The following TMOD4 variants were observed in gnomAD, a reference collection of about 807,000 sequenced individuals.
TMOD4 encodes the protein tropomodulin 4, also known as tropomodulin-4.
A neutral mutation model predicts 45.4 loss-of-function variants in TMOD4; 34 were observed. The observed-to-expected ratio is 0.75, with a 90% CI of 0.57 to 1.00. TMOD4 has a LOEUF of 1.00. Ranked by LOEUF, TMOD4 falls within the 50% of genes least tolerant of loss-of-function variation. TMOD4 has a pLI of 0.00. For missense variants in TMOD4, 399 were observed against 437.5 expected, an observed-to-expected ratio of 0.91 and a Z score of 0.78; for synonymous variants, 131 against 153.9, an observed-to-expected ratio of 0.85 and a Z score of 1.10.
intron 9 of TMOD4, 185 bp downstream of exon 9, chr1:151,170,334 G>T: frequency 3.3e-6 from 3 of 906,962 alleles, no homozygotes; most frequent in Non-Finnish European, 5.1e-6. Flanking sequence ...CCTCTCTACT[G>T]GTCCATATTT....
intron 4 of TMOD4, among the ~76,000 whole-genome samples, chr1:151,173,067 C>T (rs1048017093): frequency 6.6e-6 from 1 of 152,060 alleles, no homozygotes; most frequent in Admixed American, 6.6e-5. Context: ...GTGATCCACC[C>T]GCCTCGGCCT....
In TMOD4 at chr1:151,174,753, C is replaced by T. The variant is rs1311341808; in HGVS notation, c.123G>A (p.Glu41=). ...LDCELQEMDP[E]NMLLPAGLRQ... ...TGGTTCCCTGTGCTGGAGCCCCTAC[C>T]TCAGGATCCATCTCCTGTAGTTCGC... The change falls in exon 2 of 10, where the codon GAG becomes GAA. Residue 41 remains glutamate, a splice_region_variant and synonymous_variant. Coordinates refer to ENST00000295314, the MANE Select transcript of TMOD4 (RefSeq NM_013353.3). The T allele has an allele frequency of 1.9e-6, 3 of 1,613,684 alleles. No individual in the cohort carries two copies. Among genetic ancestry groups the T allele is most frequent in the South Asian group, 1.1e-5 (1 of 91,064 alleles).
At chr1:151,173,968 C>G (rs1431382764) in intron 3 of TMOD4, among the ~76,000 whole-genome samples, 1 of 151,874 alleles carries the variant, frequency 6.6e-6, no homozygotes, top group African/African-American at 2.4e-5. Context: ...GTAATCCCAG[C>G]ACTTTGGGAG....
Position 151,174,733 on chromosome 1 carries a change from C to T in TMOD4, c.123+20G>A, listed in dbSNP as rs1684052413. 1 of 1,613,176 alleles carries T rather than the reference C, an allele frequency of 6.2e-7. No individual in the cohort carries two copies. The highest frequency in any genetic ancestry group is 8.5e-7 in the Non-Finnish European group (1 of 1,179,974). ...CAAATGCCTGGGACTGCCTCTGGTTCCCTGTGCTGGAGCCCCTACCTCAGG... is the reference window on the plus strand; with the variant it reads ...CAAATGCCTGGGACTGCCTCTGGTTTCCTGTGCTGGAGCCCCTACCTCAGG... On this transcript the variant is annotated intron_variant, in intron 2 of 9. Coordinates refer to ENST00000295314, the MANE Select transcript of TMOD4 (RefSeq NM_013353.3).
rs973759284 is a variant in TMOD4, at chr1:151,172,313, C to A, written c.442G>T (p.Asp148Tyr). 2.5e-6 allele frequency: 4 copies of A among 1,613,802 alleles called. No individual in the cohort carries two copies. The highest frequency in any genetic ancestry group is 1.3e-5 in the African/African-American group (1 of 74,916). The change falls in exon 5 of 10, where the codon GAT (aspartate) becomes TAT (tyrosine). Residue 148 changes from aspartate (D) to tyrosine (Y), a missense_variant. By Grantham distance (160) the Asp-to-Tyr change is radical. Transcript: ENST00000295314. ...CAGATTTCTCCACTGCAGAGGGCAT[C>A]ATAGTATTGCTTGTTACTCATCAGT... ...YTLMSNKQYY[D>Y]ALCSGEICNT...
intron 5 of TMOD4, 42 bp from the exon 6 acceptor site, chr1:151,171,805 A>G (rs2101712104): frequency 6.9e-6 from 11 of 1,585,598 alleles, no homozygotes; most frequent in Middle Eastern, 3.5e-4. Flanking sequence ...CATGTTCCCC[A>G]TAATCTCCTC....
intron 5 of TMOD4, 78 bp downstream of exon 5, chr1:151,172,190 C>T: frequency 1.7e-6 from 2 of 1,186,922 alleles, no homozygotes; most frequent in South Asian, 1.3e-5. Context: ...TCATCAATTT[C>T]ACCCTTTTCT....
At chr1:151,174,325 G>T in intron 3 of TMOD4, 66 bp downstream of exon 3, 1 of 1,552,326 alleles carries the variant, frequency 6.4e-7, no homozygotes, top group Non-Finnish European at 8.8e-7. Flanking sequence ...AAACTGGAGT[G>T]GGGACGAGTG....
In TMOD4 at chr1:151,171,062, GC is replaced by G; in HGVS notation, c.727del (p.Ala243GlnfsTer15). 6.2e-7 allele frequency: 1 copy of G among 1,614,082 alleles called. No homozygotes were observed. Among genetic ancestry groups the G allele is most frequent in the Non-Finnish European group, 8.5e-7 (1 of 1,180,006 alleles). On this transcript the variant is annotated frameshift_variant and splice_region_variant, in exon 8 of 10. Transcript: ENST00000295314. LOFTEE classifies it high-confidence loss of function. ...ATRSGDPIAN[A>X]VADMLRENRS... is the part of the protein sequence containing the mutation. ...ATTCTCACGCAACATGTCAGCCACT[GC>G]CTGGGTAGTAGGGACTTGGGTTAGG...
At chr1:151,170,267 C>T (rs1683904659) in intron 9 of TMOD4, 164 bp from the exon 10 acceptor site, 2 of 888,986 alleles carry the variant, frequency 2.2e-6, no homozygotes, top group Non-Finnish European at 3.5e-6. Context: ...GAAACCACAC[C>T]ACAAATAAAA....
In TMOD4 at chr1:151,172,284, G is replaced by A. The variant is rs752347286; in HGVS notation, c.471C>T (p.Asn157=). 4 of 1,613,546 alleles carry A rather than the reference G, an allele frequency of 2.5e-6. No homozygotes were observed. Among genetic ancestry groups the A allele is most frequent in the South Asian group, 2.2e-5 (2 of 91,076 alleles). The change falls in exon 5 of 10, where the codon AAC becomes AAT. Residue 157 remains asparagine, a synonymous_variant. Coordinates refer to ENST00000295314, the MANE Select transcript of TMOD4 (RefSeq NM_013353.3). ...CACACTCACTGCTAATGCCTTCAGT[G>A]TTGCAGATTTCTCCACTGCAGAGGG... is the stretch of plus-strand genomic sequence containing the variant. The part of the protein sequence containing the change: ...YDALCSGEIC[N]TEGISSVVQP...
At chr1:151,174,364 G>A (rs374758074) in intron 3 of TMOD4, 27 bp downstream of exon 3, 349 of 1,607,648 alleles carry the variant, frequency 2.2e-4, no homozygotes, top group Non-Finnish European at 2.7e-4. Flanking sequence ...TGGGTTCTAC[G>A]AGGCATGGAT....
chr1:151,175,029 T>C (rs1684061482), intron 1 of TMOD4, 112 bp from the exon 2 acceptor site: 1 of 837,212 alleles, frequency 1.2e-6, no homozygotes, highest in Non-Finnish European at 1.9e-6. Flanking sequence ...TCTTGGAGAT[T>C]AGAAGTCTAG....
chr1:151,173,381 C>G, intron 4 of TMOD4, 118 bp downstream of exon 4: 1 of 728,564 alleles, frequency 1.4e-6, no homozygotes, highest in Admixed American at 2.2e-5. Context: ...GAAACTACTG[C>G]TTGACGCTTT....
At chr1:151,174,671 AC>A in intron 2 of TMOD4, 81 bp downstream of exon 2, 1 of 1,604,430 alleles carries the variant, frequency 6.2e-7, no homozygotes, top group Non-Finnish European at 8.5e-7. Flanking sequence ...CCTGTAGCAA[AC>A]CCTATTCTCA....
chr1:151,171,642 ATTCAAG>A lies in TMOD4; in HGVS notation c.603_608del (p.Leu202_Asn203del). The A allele has an allele frequency of 6.2e-7, 1 of 1,614,042 alleles. No individual in the cohort carries two copies. Among genetic ancestry groups the A allele is most frequent in the Middle Eastern group, 1.7e-4 (1 of 6,060 alleles). ...GATGCAAGTCAAATACCTGTATATTATTCAAGTTCACCTCCTCCAGCTCCTTGTCAT... is the reference window on the plus strand; with the variant it reads ...GATGCAAGTCAAATACCTGTATATTATTCACCTCCTCCAGCTCCTTGTCAT... On this transcript the variant is annotated inframe_deletion, in exon 6 of 10. Coordinates refer to ENST00000295314, the MANE Select transcript of TMOD4 (RefSeq NM_013353.3).
rs1157687594 is a variant in TMOD4, at chr1:151,173,504, A to G, written c.392T>C (p.Ile131Thr). Residue 131 changes from isoleucine to threonine, a missense_variant, in exon 4 of 10, where the codon ATT becomes ACT. Physicochemically the swap from Ile to Thr is moderately conservative, Grantham distance 89. Transcript: ENST00000295314. Reference protein sequence around the residue: ...AHATDAEMCDIAAILDMYTLM... With the variant: ...AHATDAEMCDTAAILDMYTLM... ...AACTTCCCACAGCTACCCACCTGCA[A>G]TGTCACACATTTCAGCATCTGTGGC... 2 of 1,613,482 alleles carry G rather than the reference A, an allele frequency of 1.2e-6. No individual in the cohort carries two copies. The highest frequency in any genetic ancestry group is 2.2e-5 in the East Asian group (1 of 44,852).
At position 151,171,012 on chromosome 1, in the gene TMOD4, C is replaced by A. The variant is rs148248887; in HGVS notation, c.778G>T (p.Glu260Ter). 1 of 1,614,102 alleles carries A rather than the reference C, an allele frequency of 6.2e-7. No homozygotes were observed. Among genetic ancestry groups the A allele is most frequent in the Admixed American group, 1.7e-5 (1 of 60,010 alleles). ...ENRSLQSLNI[E>*]SNFISSTGLM... ...CCTGTGCTGCTAATGAAGTTGGATT[C>A]GATGTTTAGGCTCTGGAGGCTACGA... The change falls in exon 8 of 10, where the codon GAA becomes TAA. Residue 260 changes from glutamate to a stop codon, truncating the protein, a stop_gained. Transcript: ENST00000295314. LOFTEE classifies it high-confidence loss of function.
intron 4 of TMOD4, 35 bp downstream of exon 4, chr1:151,173,464 G>C: frequency 6.5e-7 from 1 of 1,549,254 alleles, no homozygotes. Flanking sequence ...ACCTGCCCCT[G>C]ATCCTCTCAC....
Sources: gnomAD v4.1 joint callset for allele counts (sites outside exome capture counted in the v4.1 genomes callset) on GRCh38, gnomAD v4.1.1 for gene constraint, MANE v1.5 for transcripts, NCBI Gene and HGNC (gene_info 2026-07-23, HGNC 2026-07-21) for gene names.